NTNG1: variants seen among roughly 807,000 people sequenced by gnomAD.
NTNG1 encodes the protein netrin G1.
In NTNG1, 16 loss-of-function variants were observed where a neutral mutation model predicts 54.0. The ratio of observed to expected loss-of-function variants is 0.30; its 90% confidence interval spans 0.20 to 0.45. The LOEUF (loss-of-function observed/expected upper bound fraction) is 0.45, where lower values mean the gene tolerates loss of function less well. NTNG1 is among the 20% of genes least tolerant of loss of function. The pLI is 1.00. For synonymous variants in NTNG1, 255 were observed against 263.1 expected (o/e 0.97, Z 0.30); for missense variants, 530 against 678.7 (o/e 0.78, Z 2.43).
At chr1:107,442,316 T>A (rs1364936130) in intron 7 of NTNG1, among the ~76,000 whole-genome samples, 2 of 152,066 alleles carry the variant, frequency 1.3e-5, no homozygotes, top group African/African-American at 4.8e-5. Context: ...AGGTAGGATG[T>A]TAGACCTTTT....
At chr1:107,385,361 C>T (rs1174099256) in intron 3 of NTNG1, among the ~76,000 whole-genome samples, 1 of 152,128 alleles carries the variant, frequency 6.6e-6, no homozygotes, top group East Asian at 1.9e-4. Flanking sequence ...TGCCATAGTC[C>T]ATGTGGTCCT....
chr1:107,315,257 C>G (rs1430112314), intron 2 of NTNG1, among the ~76,000 whole-genome samples: 2 of 152,282 alleles, frequency 1.3e-5, no homozygotes, highest in Non-Finnish European at 2.9e-5. Flanking sequence ...CATTTCCACT[C>G]CTCGCACCCC....
chr1:107,463,281 T>A (rs755292424), intron 7 of NTNG1, among the ~76,000 whole-genome samples: 20 of 152,256 alleles, frequency 1.3e-4, no homozygotes, highest in Non-Finnish European at 1.8e-4. Context: ...TGAAAATCCT[T>A]TCCTTTTTCA....
intron 2 of NTNG1, among the ~76,000 whole-genome samples, chr1:107,179,378 G>T (rs1356200428): frequency 6.6e-6 from 1 of 151,918 alleles, no homozygotes; most frequent in African/African-American, 2.4e-5. Flanking sequence ...CATCTCAGTT[G>T]TTTTTATCTG....
chr1:107,327,654 A>AT (rs1452375489), intron 3 of NTNG1, among the ~76,000 whole-genome samples: 1 of 151,746 alleles, frequency 6.6e-6, no homozygotes, highest in Admixed American at 6.6e-5. Flanking sequence ...ATGCCTTTAC[A>AT]TGTCTATATC....
At chr1:107,269,581 A>C in intron 2 of NTNG1, among the ~76,000 whole-genome samples, 1 of 152,196 alleles carries the variant, frequency 6.6e-6, no homozygotes, top group East Asian at 1.9e-4. Flanking sequence ...CAATACCTAG[A>C]ATAACATCTG....
chr1:107,484,768 A>G lies in NTNG1; in HGVS notation c.*3928A>G, dbSNP rs534682394. ...TTTTGTTCCATCTCCTTCACCCTCT[A>G]CCATCAATAATCCAGTATGATTGGG... On this transcript the variant is annotated 3_prime_UTR_variant, in exon 8 of 8. Transcript: ENST00000370068. Among the ~76,000 whole-genome samples, 38 of 152,264 alleles carry G rather than the reference A, an allele frequency of 2.5e-4. No individual in the cohort carries two copies. The highest frequency in any genetic ancestry group is 8.9e-4 in the African/African-American group (37 of 41,546).
chr1:107,149,704 G>T (rs1229932797), intron 2 of NTNG1, among the ~76,000 whole-genome samples: 1 of 152,072 alleles, frequency 6.6e-6, no homozygotes, highest in East Asian at 1.9e-4. Flanking sequence ...TAGTAAAGAG[G>T]CTGGTGATTA....
chr1:107,231,942 A>G (rs1239276538), intron 2 of NTNG1, among the ~76,000 whole-genome samples: 4 of 152,220 alleles, frequency 2.6e-5, no homozygotes, highest in Non-Finnish European at 5.9e-5. Context: ...CTTTTTCCAT[A>G]TATCTGTGAG....
At chr1:107,222,253 C>T (rs1451416851) in intron 2 of NTNG1, among the ~76,000 whole-genome samples, 2 of 152,150 alleles carry the variant, frequency 1.3e-5, no homozygotes, top group Non-Finnish European at 1.5e-5. Flanking sequence ...TGCCGCCTAA[C>T]TACTGCAGAC....
At chr1:107,454,273 G>A (rs920866603) in intron 7 of NTNG1, among the ~76,000 whole-genome samples, 2 of 152,152 alleles carry the variant, frequency 1.3e-5, no homozygotes, top group South Asian at 2.1e-4. Flanking sequence ...ACAAATGTTT[G>A]TTCACTGCCC....
intron 3 of NTNG1, among the ~76,000 whole-genome samples, chr1:107,385,168 T>C (rs1292389501): frequency 6.6e-6 from 1 of 152,186 alleles, no homozygotes; most frequent in African/African-American, 2.4e-5. Flanking sequence ...AGATATCAGT[T>C]GTGGGAAGAC....
chr1:107,226,146 C>T (rs1660660647), intron 2 of NTNG1, among the ~76,000 whole-genome samples: 1 of 152,120 alleles, frequency 6.6e-6, no homozygotes, highest in Non-Finnish European at 1.5e-5. Flanking sequence ...CACTTTTAAG[C>T]TAGTGTCAAT....
intron 2 of NTNG1, among the ~76,000 whole-genome samples, chr1:107,222,835 T>C (rs1179580449): frequency 9.5e-6 from 1 of 104,838 alleles, no homozygotes. Flanking sequence ...GCAGAAGTGG[T>C]GGGTGAGACA....
At chr1:107,215,961 G>T (rs1356040776) in intron 2 of NTNG1, among the ~76,000 whole-genome samples, 1 of 152,076 alleles carries the variant, frequency 6.6e-6, no homozygotes, top group African/African-American at 2.4e-5. Flanking sequence ...TGCTGTTGGT[G>T]TATAGCACGG....
intron 2 of NTNG1, among the ~76,000 whole-genome samples, chr1:107,156,766 T>C (rs993034363): frequency 1.3e-5 from 2 of 152,142 alleles, no homozygotes; most frequent in African/African-American, 2.4e-5. Flanking sequence ...GTGTCAGTCA[T>C]GGGGAAAGAG....
chr1:107,221,636 A>C (rs1284332933), intron 2 of NTNG1, among the ~76,000 whole-genome samples: 1 of 152,208 alleles, frequency 6.6e-6, no homozygotes, highest in African/African-American at 2.4e-5. Context: ...CATAGGGTAC[A>C]TGAGAGCTGG....
intron 5 of NTNG1, chr1:107,408,746 T>C (rs752374130): frequency 6.6e-6 from 1 of 151,890 alleles, no homozygotes; most frequent in Non-Finnish European, 1.5e-5. Flanking sequence ...CGGAGAGAAT[T>C]TTCACTGTAG....
intron 1 of NTNG1, 61 bp from the exon 2 acceptor site, chr1:107,148,008 T>G (rs1423178858): frequency 2.6e-5 from 4 of 152,798 alleles, no homozygotes; most frequent in African/African-American, 9.7e-5. Flanking sequence ...GTCAACATAT[T>G]GTACATTTCG....
Sources: allele counts gnomAD v4.1 joint callset (sites outside exome capture counted in the v4.1 genomes callset), GRCh38; gene constraint gnomAD v4.1.1; transcripts MANE v1.5; gene names NCBI Gene and HGNC (gene_info 2026-07-23, HGNC 2026-07-21).